The following GJA3 variants were observed in gnomAD, a reference collection of about 807,000 sequenced individuals.
GJA3 encodes gap junction alpha-3 protein.
For missense variants in GJA3, 571 were observed against 620.3 expected (o/e 0.92, Z 0.84); for synonymous variants, 297 against 292.6 (o/e 1.02, Z -0.15).
At chr13:20,159,671 G>A (rs899494365) in intron 1 of GJA3, among the ~76,000 whole-genome samples, 3 of 152,008 alleles carry the variant, frequency 2.0e-5, no homozygotes, top group African/African-American at 7.2e-5. Flanking sequence ...GCCAGTTAAC[G>A]GTTCCTGGTT....
intron 1 of GJA3, among the ~76,000 whole-genome samples, chr13:20,153,347 A>G (rs933306322): frequency 6.6e-6 from 1 of 152,064 alleles, no homozygotes; most frequent in African/African-American, 2.4e-5. Flanking sequence ...TGTTTACTGC[A>G]GCACTATTCA....
intron 1 of GJA3, among the ~76,000 whole-genome samples, chr13:20,155,948 A>C (rs1300103548): frequency 2.0e-5 from 3 of 152,146 alleles, no homozygotes; most frequent in Non-Finnish European, 4.4e-5. Context: ...TGTTGCAGGA[A>C]ACATTACTCT....
intron 1 of GJA3, among the ~76,000 whole-genome samples, chr13:20,154,969 GCTTC>G (rs975818831): frequency 4.2e-4 from 64 of 152,252 alleles, no homozygotes; most frequent in African/African-American, 1.5e-3. Flanking sequence ...TCCTGCCTCA[GCTTC>G]CCAACTAGCT....
chr13:20,158,931 A>G (rs112618729), intron 1 of GJA3, among the ~76,000 whole-genome samples: 141 of 148,904 alleles, frequency 9.5e-4, no homozygotes, highest in Non-Finnish European at 1.3e-3. Flanking sequence ...AAAAAAAAAA[A>G]AAAAAGAAAA....
At chr13:20,151,177 CAGA>C (rs1958875085) in intron 1 of GJA3, among the ~76,000 whole-genome samples, 1 of 152,076 alleles carries the variant, frequency 6.6e-6, no homozygotes, top group South Asian at 2.1e-4. Context: ...CAGGCGTGGG[CAGA>C]AGGTCTCCAG....
chr13:20,152,237 G>A (rs1958882473), intron 1 of GJA3, among the ~76,000 whole-genome samples: 1 of 152,140 alleles, frequency 6.6e-6, no homozygotes, highest in African/African-American at 2.4e-5. Flanking sequence ...ACAGCATCCA[G>A]AGGGTGAGCA....
At chr13:20,151,245 A>G (rs1958875392) in intron 1 of GJA3, among the ~76,000 whole-genome samples, 1 of 152,148 alleles carries the variant, frequency 6.6e-6, no homozygotes, top group Admixed American at 6.5e-5. Context: ...CTCCTCAGGC[A>G]AGAGCAGGAC....
intron 1 of GJA3, among the ~76,000 whole-genome samples, chr13:20,150,653 C>T (rs1285461867): frequency 6.6e-6 from 1 of 152,156 alleles, no homozygotes; most frequent in Admixed American, 6.5e-5. Context: ...AGTGACCTCC[C>T]ACCTCTCAAG....
At chr13:20,156,906 G>A (rs1387561795) in intron 1 of GJA3, among the ~76,000 whole-genome samples, 2 of 152,142 alleles carry the variant, frequency 1.3e-5, no homozygotes, top group Admixed American at 6.5e-5. Flanking sequence ...CTGCCAAGAC[G>A]CCCCACTGGG....
rs1178636548 is a variant in GJA3, at chr13:20,141,744, C to G, written c.*237G>C. 1.2e-5 allele frequency: 7 copies of G among 590,398 alleles called. No homozygotes were observed. The highest frequency in any genetic ancestry group is 1.9e-5 in the African/African-American group (1 of 51,922). The allele number at this position is 590,398 out of a possible 1,614,324, so 36.6% of individuals were successfully genotyped here. A position where few individuals can be genotyped will look rare whatever the true frequency, so the allele number is the denominator to read the frequency against. On this transcript the variant is annotated 3_prime_UTR_variant, in exon 2 of 2. Transcript: ENST00000241125. ...GATCTTAAAGGCCCACAACCCTTGT[C>G]CCCGCCACCCCCAAACTCAGAAAGT... is the stretch of plus-strand genomic sequence containing the variant.
chr13:20,138,338 C>T lies in GJA3; in HGVS notation c.*3643G>A, dbSNP rs911775188. The T allele has an allele frequency of 6.6e-6, 1 of 152,142 alleles. No homozygotes were observed. The highest frequency in any genetic ancestry group is 6.5e-5 in the Admixed American group (1 of 15,270). The allele number at this position is 152,142 out of a possible 1,614,324, so 9.4% of individuals were successfully genotyped here. Reference sequence around the variant, plus strand: ...ATCCAGGAAAGACACTGTTATGGCACAAAAATTAAGTTTTAGTAAGAGTTT... The same window carrying T: ...ATCCAGGAAAGACACTGTTATGGCATAAAAATTAAGTTTTAGTAAGAGTTT... On this transcript the variant is annotated 3_prime_UTR_variant, in exon 2 of 2. Transcript: ENST00000241125.
chr13:20,156,829 G>T (rs1958909461), intron 1 of GJA3, among the ~76,000 whole-genome samples: 1 of 152,170 alleles, frequency 6.6e-6, no homozygotes, highest in African/African-American at 2.4e-5. Context: ...AAAATTAACA[G>T]CTGGTTTAGT....
intron 1 of GJA3, among the ~76,000 whole-genome samples, chr13:20,156,749 TG>T (rs1958909082): frequency 6.6e-6 from 1 of 152,260 alleles, no homozygotes; most frequent in Non-Finnish European, 1.5e-5. Context: ...TTGAAATACT[TG>T]AATAAATATT....
intron 1 of GJA3, among the ~76,000 whole-genome samples, chr13:20,144,981 G>C (rs1293496291): frequency 6.6e-6 from 1 of 152,202 alleles, no homozygotes; most frequent in African/African-American, 2.4e-5. Context: ...AGGAGTTCAA[G>C]AATAGCCTGG....
chr13:20,145,568 C>T (rs1958836928), intron 1 of GJA3, among the ~76,000 whole-genome samples: 1 of 152,222 alleles, frequency 6.6e-6, no homozygotes, highest in Non-Finnish European at 1.5e-5. Context: ...GGCATCTATG[C>T]CCCTACCTGC....
In GJA3 at chr13:20,152,592, C is replaced by A. The variant is rs1399283290; in HGVS notation, c.-18+8298G>T. 2.0e-5 allele frequency among the ~76,000 whole-genome samples: 3 copies of A among 152,098 alleles called. No individual in the cohort carries two copies. The East Asian group carries it at 5.8e-4, about 29-fold the overall frequency. The stretch of plus-strand genomic sequence containing the variant: ...TAGAGACAGGGTTTTGGCTGTTGAC[C>A]AGGCTGGTCTGGAACTCCTGACCTC... On this transcript the variant is annotated intron_variant, in intron 1 of 1. Transcript: ENST00000241125.
chr13:20,156,877 C>T (rs978498515), intron 1 of GJA3, among the ~76,000 whole-genome samples: 2 of 152,254 alleles, frequency 1.3e-5, no homozygotes, highest in African/African-American at 4.8e-5. Context: ...AGAGTTGCAG[C>T]GTAATTAGAA....
intron 1 of GJA3, among the ~76,000 whole-genome samples, chr13:20,159,548 G>T (rs1277873365): frequency 6.8e-6 from 1 of 147,260 alleles, no homozygotes; most frequent in East Asian, 2.0e-4. Context: ...TTAGCTAAGA[G>T]AAATGAATAT....
intron 1 of GJA3, among the ~76,000 whole-genome samples, chr13:20,153,522 C>T (rs1958891146): frequency 6.6e-6 from 1 of 152,122 alleles, no homozygotes; most frequent in African/African-American, 2.4e-5. Context: ...TCTGAGCAAA[C>T]CATCGCAAGG....
Sources: gnomAD v4.1 joint callset for allele counts (sites outside exome capture counted in the v4.1 genomes callset) on GRCh38, gnomAD v4.1.1 for gene constraint, MANE v1.5 for transcripts, NCBI Gene and HGNC (gene_info 2026-07-23, HGNC 2026-07-21) for gene names.